Variants in CMTM3 observed in about 807,000 individuals in gnomAD.
CMTM3 encodes CKLF-like MARVEL transmembrane domain-containing protein 3.
A neutral mutation model predicts 18.2 loss-of-function variants in CMTM3; 7 were observed. That is an observed-to-expected ratio of 0.38 (90% CI 0.22 to 0.72). CMTM3 has a LOEUF of 0.72. Among genes scored for constraint, CMTM3 ranks in the 30% least tolerant of loss-of-function variants. The pLI is 0.46. For missense variants in CMTM3, 227 were observed against 249.2 expected, an observed-to-expected ratio of 0.91 and a Z score of 0.60; for synonymous variants, 109 against 111.2, an observed-to-expected ratio of 0.98 and a Z score of 0.12.
In CMTM3 at chr16:66,608,255, C is replaced by G; in HGVS notation, c.148-54C>G. 6.2e-7 allele frequency: 1 copy of G among 1,600,958 alleles called. No homozygotes were observed. Among genetic ancestry groups the G allele is most frequent in the Non-Finnish European group, 8.5e-7 (1 of 1,170,924 alleles). On this transcript the variant is annotated intron_variant, in intron 1 of 4. Coordinates refer to ENST00000567572, the MANE Select transcript of CMTM3 (RefSeq NM_181553.4). This position sits in a 1 kb window ranked among gnomAD's most constrained non-coding sequence, Gnocchi z 5.1. Reference sequence around the variant, plus strand: ...CCACAGGGCCTGGCTCAGAGGAGCACTGGACAAGGAACATGAAAAGGCTCT... The same window carrying G: ...CCACAGGGCCTGGCTCAGAGGAGCAGTGGACAAGGAACATGAAAAGGCTCT...
Position 66,612,611 on chromosome 16 carries a change from G to A in CMTM3, c.523G>A (p.Glu175Lys), listed in dbSNP as rs1365437404. 14 of 1,613,930 alleles carry A rather than the reference G, an allele frequency of 8.7e-6. No individual in the cohort carries two copies. Among genetic ancestry groups the A allele is most frequent in the Non-Finnish European group, 1.2e-5 (14 of 1,179,994 alleles). The stretch of plus-strand genomic sequence containing the variant: ...CATCCTCTCTGCTTTCCTTTCAGAA[G>A]AGAATTCCGACTCGGACTCTGACTG... ...DETTAHKTEE[E>K]NSDSDSD is the part of the protein sequence containing the mutation. The change falls in exon 5 of 5, where the codon GAG (glutamate) becomes AAG (lysine). Residue 175 changes from glutamate (E) to lysine (K), a missense_variant and splice_region_variant. Coordinates refer to ENST00000567572, the MANE Select transcript of CMTM3 (RefSeq NM_181553.4). This position sits in a 1 kb window ranked among gnomAD's most constrained non-coding sequence, Gnocchi z 6.0.
rs1336005041 is a variant in CMTM3 at position 66,610,212 on chromosome 16, G to C, written c.520+209G>C. ...GTGCACCCTCACCCCAGCCTTTCTA[G>C]GAGGGGCAAGCAGTGGGCATGGCTG... On this transcript the variant is annotated intron_variant, in intron 4 of 4. Transcript: ENST00000567572. This position sits in a 1 kb window ranked among gnomAD's most constrained non-coding sequence, Gnocchi z 4.6. Among the ~76,000 whole-genome samples, 1 of 152,164 alleles carries C rather than the reference G, an allele frequency of 6.6e-6. No individual in the cohort carries two copies. Among genetic ancestry groups the C allele is most frequent in the East Asian group, 1.9e-4 (1 of 5,174 alleles).
Position 66,608,260 on chromosome 16 carries a change from C to T in CMTM3, c.148-49C>T. 1 of 1,606,060 alleles carries T rather than the reference C, an allele frequency of 6.2e-7. No individual in the cohort carries two copies. The highest frequency in any genetic ancestry group is 1.3e-5 in the African/African-American group (1 of 74,924). The stretch of plus-strand genomic sequence containing the variant: ...GGGCCTGGCTCAGAGGAGCACTGGA[C>T]AAGGAACATGAAAAGGCTCTGACTT... On this transcript the variant is annotated intron_variant, in intron 1 of 4. Coordinates refer to ENST00000567572, the MANE Select transcript of CMTM3 (RefSeq NM_181553.4). This position sits in a 1 kb window ranked among gnomAD's most constrained non-coding sequence, Gnocchi z 5.1.
intron 1 of CMTM3, 43 bp downstream of exon 1, chr16:66,604,995 G>T: frequency 7.1e-7 from 1 of 1,415,768 alleles, no homozygotes. Flanking sequence ...AGGACTGCGC[G>T]GCTCCTTTCG....
rs2015129420 is a variant in CMTM3, at chr16:66,605,819, G to A, written c.147+867G>A. On this transcript the variant is annotated intron_variant, in intron 1 of 4. Coordinates refer to ENST00000567572, the MANE Select transcript of CMTM3 (RefSeq NM_181553.4). This position sits in a 1 kb window ranked among gnomAD's most constrained non-coding sequence, Gnocchi z 4.6. ...GCAGGAGGAAGGGGGATTCTGCTCCGGGACCTCTCCCTGGTCACTCAGGGC... is the reference window on the plus strand; with the variant it reads ...GCAGGAGGAAGGGGGATTCTGCTCCAGGACCTCTCCCTGGTCACTCAGGGC... Among the ~76,000 whole-genome samples the A allele has an allele frequency of 6.6e-6, 1 of 152,110 alleles. No individual in the cohort carries two copies. The highest frequency in any genetic ancestry group is 1.5e-5 in the Non-Finnish European group (1 of 67,992).
rs1596891896 is a variant in CMTM3, at chr16:66,613,372, G to A, written c.*735G>A. On this transcript the variant is annotated 3_prime_UTR_variant, in exon 5 of 5. Transcript: ENST00000567572. ...ACAACAGTGGCATCACAGTGACAGT[G>A]TCATGGGGAGCTGGGCGGGCCCAGC... is the stretch of plus-strand genomic sequence containing the variant. 2.1e-6 allele frequency: 1 copy of A among 479,154 alleles called. No homozygotes were observed. The highest frequency in any genetic ancestry group is 3.3e-5 in the East Asian group (1 of 29,986). 29.7% of individuals were successfully genotyped at this position (479,154 alleles called of 1,614,324 possible).
chr16:66,606,735 G>A (rs1404813610), intron 1 of CMTM3, among the ~76,000 whole-genome samples: 1 of 152,226 alleles, frequency 6.6e-6, no homozygotes, highest in Non-Finnish European at 1.5e-5. Flanking sequence ...GCTCATGCCT[G>A]TAATCCCAAC....
In CMTM3 at chr16:66,608,456, C is replaced by T. The variant is rs139046567; in HGVS notation, c.295C>T (p.Pro99Ser). ...LNDKWQGLCW[P>S]MMDFLRCVTA... ...TGACAAGTGGCAGGGCTTGTGCTGG[C>T]CCATGATGGTGAGGACAGGGGCCCC... Residue 99 changes from proline (P) to serine (S), a missense_variant, in exon 2 of 5, where the codon CCC becomes TCC. By Grantham distance (74) the Pro-to-Ser change is moderately conservative. Coordinates refer to ENST00000567572, the MANE Select transcript of CMTM3 (RefSeq NM_181553.4). This position sits in a 1 kb window ranked among gnomAD's most constrained non-coding sequence, Gnocchi z 5.1. 1.2e-6 allele frequency: 2 copies of T among 1,613,748 alleles called. No individual in the cohort carries two copies. Among genetic ancestry groups the T allele is most frequent in the African/African-American group, 2.7e-5 (2 of 74,934 alleles).
At position 66,612,936 on chromosome 16, in the gene CMTM3, G is replaced by A; in HGVS notation, c.*299G>A. 1 of 641,756 alleles carries A rather than the reference G, an allele frequency of 1.6e-6. No individual in the cohort carries two copies. 39.8% of individuals were successfully genotyped at this position (641,756 alleles called of 1,614,324 possible). A position where few individuals can be genotyped will look rare whatever the true frequency, so the allele number is the denominator to read the frequency against. On this transcript the variant is annotated 3_prime_UTR_variant, in exon 5 of 5. Transcript: ENST00000567572. This position sits in a 1 kb window ranked among gnomAD's most constrained non-coding sequence, Gnocchi z 6.0. ...TCTCTGCCAAAAACCAGCACAAGGA[G>A]ACAAAGCAGAGCCTTGTCTGTATCT...
rs1223968362 is a variant in CMTM3 at position 66,610,631 on chromosome 16, C to T, written c.520+628C>T. On this transcript the variant is annotated intron_variant, in intron 4 of 4. Transcript: ENST00000567572. The surrounding 1 kb of genome is among the most constrained non-coding windows in gnomAD (Gnocchi z 4.6). ...AGTGTGCAGGCAGAAGAGACCAGGC[C>T]GGTGTAGGGAAGAAGGCTGAGAGCA... Among the ~76,000 whole-genome samples the T allele has an allele frequency of 1.3e-5, 2 of 152,112 alleles. 1 individual carries two copies. The highest frequency in any genetic ancestry group is 4.1e-4 in the South Asian group (2 of 4,828).
chr16:66,612,556 A>G lies in CMTM3; in HGVS notation c.521-53A>G, dbSNP rs1350479813. On this transcript the variant is annotated intron_variant, in intron 4 of 4. Coordinates refer to ENST00000567572, the MANE Select transcript of CMTM3 (RefSeq NM_181553.4). The surrounding 1 kb of genome is among the most constrained non-coding windows in gnomAD (Gnocchi z 6.0). ...CTGTGCTTCCCCAGAGACCGTTCCC[A>G]GGCACCGCTGCCCTGAGCCTCCTGC... 17 of 1,598,416 alleles carry G rather than the reference A, an allele frequency of 1.1e-5. No homozygotes were observed. The highest frequency in any genetic ancestry group is 1.7e-4 in the Middle Eastern group (1 of 6,054).
In CMTM3 at chr16:66,608,762, C is replaced by G. The variant is rs543489157; in HGVS notation, c.303+298C>G. On this transcript the variant is annotated intron_variant, in intron 2 of 4. Transcript: ENST00000567572. This position sits in a 1 kb window ranked among gnomAD's most constrained non-coding sequence, Gnocchi z 5.1. ...CACCGGGCCTACAGGAATGAGCTGC[C>G]GCCACAGGAATTCAAGCCATTTCCA... is the stretch of plus-strand genomic sequence containing the variant. Among the ~76,000 whole-genome samples the G allele has an allele frequency of 3.5e-3, 532 of 152,264 alleles. 15 individuals are homozygous for G. Among genetic ancestry groups the G allele is most frequent in the Admixed American group, 0.03 (454 of 15,298 alleles).
At chr16:66,604,986 G>A (rs1435765484) in intron 1 of CMTM3, 34 bp downstream of exon 1, 1 of 1,441,850 alleles carries the variant, frequency 6.9e-7, no homozygotes, top group Admixed American at 2.8e-5. Context: ...CGCCCCGCTA[G>A]GACTGCGCGG....
At position 66,610,197 on chromosome 16, in the gene CMTM3, A is replaced by C. The variant is rs1597210067; in HGVS notation, c.520+194A>C. The C allele has an allele frequency of 1.5e-6, 1 of 677,292 alleles. No individual in the cohort carries two copies. Among genetic ancestry groups the C allele is most frequent in the Non-Finnish European group, 2.4e-6 (1 of 410,950 alleles). The allele number at this position is 677,292 out of a possible 1,614,324, so 42.0% of individuals were successfully genotyped here. ...AGTCCCATTCGCCTCGTGCACCCTC[A>C]CCCCAGCCTTTCTAGGAGGGGCAAG... On this transcript the variant is annotated intron_variant, in intron 4 of 4. Transcript: ENST00000567572. This position sits in a 1 kb window ranked among gnomAD's most constrained non-coding sequence, Gnocchi z 4.6.
intron 4 of CMTM3, among the ~76,000 whole-genome samples, chr16:66,611,637 G>GGAT (rs1482190737): frequency 2.6e-5 from 4 of 152,088 alleles, no homozygotes; most frequent in Non-Finnish European, 2.9e-5. Context: ...GCCAGGGAGG[G>GGAT]GATGAGCATC....
Position 66,610,647 on chromosome 16 carries a change from G to A in CMTM3, c.520+644G>A, listed in dbSNP as rs2015341798. Reference sequence around the variant, plus strand: ...AGACCAGGCCGGTGTAGGGAAGAAGGCTGAGAGCAGAGACAGCAGGCGCTT... The same window carrying A: ...AGACCAGGCCGGTGTAGGGAAGAAGACTGAGAGCAGAGACAGCAGGCGCTT... On this transcript the variant is annotated intron_variant, in intron 4 of 4. Coordinates refer to ENST00000567572, the MANE Select transcript of CMTM3 (RefSeq NM_181553.4). This position sits in a 1 kb window ranked among gnomAD's most constrained non-coding sequence, Gnocchi z 4.6. Among the ~76,000 whole-genome samples, 1 of 152,136 alleles carries A rather than the reference G, an allele frequency of 6.6e-6. No homozygotes were observed. The highest frequency in any genetic ancestry group is 6.5e-5 in the Admixed American group (1 of 15,274).
In CMTM3 at chr16:66,613,133, GA is replaced by G. The variant is rs2015446822; in HGVS notation, c.*498del. 1.4e-6 allele frequency: 1 copy of G among 703,044 alleles called. No individual in the cohort carries two copies. Among genetic ancestry groups the G allele is most frequent in the Non-Finnish European group, 2.6e-6 (1 of 385,008 alleles). 43.6% of individuals were successfully genotyped at this position (703,044 alleles called of 1,614,324 possible). A position where few individuals can be genotyped will look rare whatever the true frequency, so the allele number is the denominator to read the frequency against. On this transcript the variant is annotated 3_prime_UTR_variant, in exon 5 of 5. Transcript: ENST00000567572. ...ACTTTGGTGACAATGACCCTTCCAA[GA>G]ATCTTTGGTTCAAGGAGCACCAGTT...
At chr16:66,607,837 T>G (rs1304976579) in intron 1 of CMTM3, among the ~76,000 whole-genome samples, 2 of 148,910 alleles carry the variant, frequency 1.3e-5, no homozygotes, top group South Asian at 2.1e-4. Flanking sequence ...CATGCTGGGT[T>G]TTTTTTTTTT....
In CMTM3 at chr16:66,612,099, G is replaced by A. The variant is rs555942178; in HGVS notation, c.521-510G>A. On this transcript the variant is annotated intron_variant, in intron 4 of 4. Coordinates refer to ENST00000567572, the MANE Select transcript of CMTM3 (RefSeq NM_181553.4). The surrounding 1 kb of genome is among the most constrained non-coding windows in gnomAD (Gnocchi z 6.0). ...GGTGGAAACACCCCCACCTGCACCC[G>A]CACCCACACCCTGGAGGTGCAAGTG... Among the ~76,000 whole-genome samples, 8 of 152,212 alleles carry A rather than the reference G, an allele frequency of 5.3e-5. No homozygotes were observed. In the South Asian group the frequency reaches 1.0e-3, roughly 20 times the overall value.
Sources: allele counts gnomAD v4.1 joint callset (sites outside exome capture counted in the v4.1 genomes callset), GRCh38; gene constraint gnomAD v4.1.1; non-coding constraint Gnocchi (gnomAD v3.1); transcripts MANE v1.5; gene names NCBI Gene and HGNC (gene_info 2026-07-23, HGNC 2026-07-21).